GRK5: variants seen among roughly 807,000 people sequenced by gnomAD.
The protein encoded by GRK5 is G protein-coupled receptor kinase 5, also known as g protein-coupled receptor kinase GRK5.
In GRK5, 40 loss-of-function variants were observed where a neutral mutation model predicts 78.4. The ratio of observed to expected loss-of-function variants is 0.51; its 90% CI spans 0.40 to 0.66. The LOEUF (loss-of-function observed/expected upper bound fraction) is 0.66. GRK5 is among the 30% of genes least tolerant of loss of function. GRK5 has a pLI of 0.00. For synonymous variants in GRK5, 289 were observed against 296.8 expected, an observed-to-expected ratio of 0.97 and a Z score of 0.27; for missense variants, 598 against 759.9, an observed-to-expected ratio of 0.79 and a Z score of 2.50.
chr10:119,375,852 G>T (rs899698315), intron 2 of GRK5, among the ~76,000 whole-genome samples: 1 of 152,220 alleles, frequency 6.6e-6, no homozygotes, highest in Non-Finnish European at 1.5e-5. Context: ...GATCCCAGCC[G>T]CAGGAGCTGG....
At chr10:119,240,189 CTTTTTT>C (rs55905745) in intron 1 of GRK5, among the ~76,000 whole-genome samples, 4 of 70,098 alleles carry the variant, frequency 5.7e-5, no homozygotes, top group South Asian at 1.1e-3. Flanking sequence ...TGTTTCCCGA[CTTTTTT>C]TTTTTTTTTT....
chr10:119,425,160 TC>T, intron 6 of GRK5, 75 bp downstream of exon 6: 1 of 1,080,498 alleles, frequency 9.3e-7, no homozygotes, highest in Non-Finnish European at 1.4e-6. Flanking sequence ...CATATAAAAA[TC>T]AGTTACCTCC....
chr10:119,258,203 C>T (rs989379678), intron 1 of GRK5, among the ~76,000 whole-genome samples: 2 of 152,112 alleles, frequency 1.3e-5, no homozygotes, highest in Non-Finnish European at 2.9e-5. Context: ...GGAATCACAC[C>T]GAGTGTAGCC....
intron 1 of GRK5, among the ~76,000 whole-genome samples, chr10:119,313,267 TAATAGTGGTGATGGG>T (rs1850426973): frequency 6.8e-6 from 1 of 146,388 alleles, no homozygotes; most frequent in African/African-American, 2.6e-5. Context: ...ATGGTGGTGG[TAATAGTGGTGATGGG>T]GATGGTGGTA....
At chr10:119,250,912 A>G (rs982691363) in intron 1 of GRK5, among the ~76,000 whole-genome samples, 10 of 152,124 alleles carry the variant, frequency 6.6e-5, no homozygotes, top group African/African-American at 1.7e-4. Context: ...TGATATGTCT[A>G]TTTCTAGGCA....
chr10:119,395,984 T>TA (rs1852044833), intron 3 of GRK5, among the ~76,000 whole-genome samples: 1 of 152,256 alleles, frequency 6.6e-6, no homozygotes, highest in Non-Finnish European at 1.5e-5. Context: ...AAGAACATCT[T>TA]AAAAAACCTG....
chr10:119,303,524 G>A (rs780554063), intron 1 of GRK5, among the ~76,000 whole-genome samples: 15 of 152,196 alleles, frequency 9.9e-5, no homozygotes, highest in Non-Finnish European at 2.1e-4. Flanking sequence ...AGTGTCTGGA[G>A]TGGAGTGTGG....
chr10:119,448,647 C>A (rs1853209895), intron 13 of GRK5, among the ~76,000 whole-genome samples: 1 of 152,154 alleles, frequency 6.6e-6, no homozygotes, highest in African/African-American at 2.4e-5. Context: ...CATTGACGGC[C>A]ACTACATTCA....
intron 5 of GRK5, among the ~76,000 whole-genome samples, chr10:119,423,844 C>A (rs182167401): frequency 5.9e-5 from 9 of 152,270 alleles, no homozygotes; most frequent in African/African-American, 2.2e-4. Context: ...CATGAAAGTT[C>A]TCCAAAGCCA....
intron 1 of GRK5, among the ~76,000 whole-genome samples, chr10:119,229,329 A>G (rs1395416832): frequency 6.6e-6 from 1 of 152,178 alleles, no homozygotes; most frequent in Non-Finnish European, 1.5e-5. Context: ...TTTTATAATA[A>G]AATGACGGTT....
At chr10:119,308,737 C>G (rs541598087) in intron 1 of GRK5, among the ~76,000 whole-genome samples, 15 of 152,374 alleles carry the variant, frequency 9.8e-5, no homozygotes, top group East Asian at 5.8e-4. Context: ...CTGCCATGCT[C>G]AGGCCTGCCC....
At chr10:119,414,122 C>T (rs775124849) in intron 4 of GRK5, among the ~76,000 whole-genome samples, 5 of 152,206 alleles carry the variant, frequency 3.3e-5, no homozygotes, top group Non-Finnish European at 1.5e-5. Flanking sequence ...CAGAGAGTCT[C>T]TCTCTCCTGC....
chr10:119,401,410 C>T (rs1238410399), intron 4 of GRK5, among the ~76,000 whole-genome samples: 2 of 152,142 alleles, frequency 1.3e-5, no homozygotes, highest in Non-Finnish European at 2.9e-5. Flanking sequence ...AGGGCAACAG[C>T]CAAGGGTGGG....
At chr10:119,399,178 C>T (rs1039006737) in intron 4 of GRK5, among the ~76,000 whole-genome samples, 1 of 152,236 alleles carries the variant, frequency 6.6e-6, no homozygotes, top group African/African-American at 2.4e-5. Flanking sequence ...CTTAAGTTCT[C>T]CTCAATTTAA....
intron 1 of GRK5, among the ~76,000 whole-genome samples, chr10:119,301,225 C>T (rs1434632130): frequency 6.6e-6 from 1 of 152,260 alleles, no homozygotes; most frequent in African/African-American, 2.4e-5. Context: ...CCCCAGGACC[C>T]TCCGGGAGCC....
At chr10:119,448,317 C>T in intron 13 of GRK5, 57 bp downstream of exon 13, 2 of 1,537,558 alleles carry the variant, frequency 1.3e-6, no homozygotes, top group African/African-American at 1.4e-5. Context: ...CAGGGCTGCC[C>T]CCGAGTGCTG....
intron 1 of GRK5, among the ~76,000 whole-genome samples, chr10:119,310,147 T>C (rs1035605621): frequency 6.6e-6 from 1 of 152,204 alleles, no homozygotes; most frequent in African/African-American, 2.4e-5. Flanking sequence ...TTAGCTTCTT[T>C]GAAATAGGGG....
intron 2 of GRK5, among the ~76,000 whole-genome samples, chr10:119,346,307 T>TCCTC (rs1851092320): frequency 6.6e-6 from 1 of 152,160 alleles, no homozygotes; most frequent in African/African-American, 2.4e-5. Flanking sequence ...TAGGGGTAGC[T>TCCTC]CCTCCCTGGA....
At chr10:119,313,125 A>ATGATGGTAATGATGGTAGTGGTGATGG (rs1564887165) in intron 1 of GRK5, among the ~76,000 whole-genome samples, 2 of 91,948 alleles carry the variant, frequency 2.2e-5, no homozygotes, top group African/African-American at 7.9e-5. Flanking sequence ...GGTGATGGTG[A>ATGATGGTAATGATGGTAGTGGTGATGG]TGATGGTAAT....
Sources: gnomAD v4.1 joint callset for allele counts (sites outside exome capture counted in the v4.1 genomes callset) on GRCh38, gnomAD v4.1.1 for gene constraint, MANE v1.5 for transcripts, NCBI Gene and HGNC (gene_info 2026-07-23, HGNC 2026-07-21) for gene names.